Variants in DPY19L2 observed in about 807,000 individuals in gnomAD.
DPY19L2 encodes the protein probable C-mannosyltransferase DPY19L2.
DPY19L2 carries 34 observed loss-of-function variants against 97.9 expected under a neutral mutation model. That is an observed-to-expected ratio of 0.35 (90% CI 0.26 to 0.46). The LOEUF (loss-of-function observed/expected upper bound fraction) is 0.46, where lower values mean the gene tolerates loss of function less well. Ranked by LOEUF, DPY19L2 falls within the 20% of genes least tolerant of loss-of-function variation. The pLI is 1.00. For missense variants in DPY19L2, 623 were observed against 911.4 expected (o/e 0.68, Z 4.07); for synonymous variants, 230 against 307.9 (o/e 0.75, Z 2.65).
At chr12:63,586,635 G>A (rs2137406258) in intron 16 of DPY19L2, among the ~76,000 whole-genome samples, 1 of 152,176 alleles carries the variant, frequency 6.6e-6, no homozygotes, top group South Asian at 2.1e-4. Context: ...CAAATAATGG[G>A]AATAACTGAC....
At chr12:63,563,011 G>T (rs1205602060) in intron 21 of DPY19L2, among the ~76,000 whole-genome samples, 1 of 152,070 alleles carries the variant, frequency 6.6e-6, no homozygotes, top group Admixed American at 6.5e-5. Context: ...TGGCCAGGCT[G>T]ATCTCGAACT....
chr12:63,596,143 A>C, intron 14 of DPY19L2, 106 bp from the exon 15 acceptor site: 1 of 887,146 alleles, frequency 1.1e-6, no homozygotes, highest in Non-Finnish European at 1.6e-6. Flanking sequence ...TAAAAGTAAA[A>C]GGTTAAATTT....
intron 6 of DPY19L2, among the ~76,000 whole-genome samples, chr12:63,630,122 G>C (rs1890324286): frequency 6.6e-6 from 1 of 152,128 alleles, no homozygotes; most frequent in Admixed American, 6.6e-5. Context: ...ATGCCAAATT[G>C]TAAAGACCAT....
chr12:63,660,664 T>C (rs1182243793), intron 4 of DPY19L2, among the ~76,000 whole-genome samples: 1 of 152,024 alleles, frequency 6.6e-6, no homozygotes, highest in Non-Finnish European at 1.5e-5. Flanking sequence ...CATTTCAAAA[T>C]CTAAAGAATA....
intron 6 of DPY19L2, among the ~76,000 whole-genome samples, chr12:63,639,845 T>C (rs1300950964): frequency 6.6e-6 from 1 of 152,182 alleles, no homozygotes; most frequent in Non-Finnish European, 1.5e-5. Flanking sequence ...GCCATCCCAT[T>C]ACTGGGTATA....
At chr12:63,578,863 G>C (rs1302098690) in intron 19 of DPY19L2, among the ~76,000 whole-genome samples, 6 of 152,112 alleles carry the variant, frequency 3.9e-5, no homozygotes, top group Admixed American at 6.5e-5. Flanking sequence ...TCATGCTATG[G>C]GGAGGAGGGA....
chr12:63,572,922 T>G (rs1290419772), intron 19 of DPY19L2, among the ~76,000 whole-genome samples: 3 of 152,046 alleles, frequency 2.0e-5, no homozygotes, highest in Admixed American at 6.6e-5. Flanking sequence ...GACCAGAAAC[T>G]TAGATCACAA....
chr12:63,650,728 A>G lies in DPY19L2; in HGVS notation c.589-3363T>C, dbSNP rs562877297. On this transcript the variant is annotated intron_variant, in intron 4 of 21. Transcript: ENST00000324472. ...ATGGAAAAACATTCTATGCTCATGAATAGGAAGATTCAATATTGTTAAAAT... is the reference window on the plus strand; with the variant it reads ...ATGGAAAAACATTCTATGCTCATGAGTAGGAAGATTCAATATTGTTAAAAT... Among the ~76,000 whole-genome samples, 5 of 152,306 alleles carry G rather than the reference A, an allele frequency of 3.3e-5. No individual in the cohort carries two copies. The South Asian group carries it at 8.3e-4, about 25-fold the overall frequency.
chr12:63,641,851 A>G (rs1892746696), intron 6 of DPY19L2, among the ~76,000 whole-genome samples: 1 of 152,146 alleles, frequency 6.6e-6, no homozygotes, highest in Admixed American at 6.5e-5. Flanking sequence ...CAAGGTATCT[A>G]TATCTTGAAT....
chr12:63,583,003 G>A (rs1049116835), intron 17 of DPY19L2, among the ~76,000 whole-genome samples: 9 of 152,060 alleles, frequency 5.9e-5, no homozygotes, highest in African/African-American at 1.9e-4. Context: ...TGAAACTTTT[G>A]AGTACCAATA....
chr12:63,586,309 A>G (rs529146747), intron 16 of DPY19L2, among the ~76,000 whole-genome samples: 1 of 152,352 alleles, frequency 6.6e-6, no homozygotes, highest in East Asian at 1.9e-4. Flanking sequence ...CCCAGAAAGC[A>G]TGCCAATTCT....
chr12:63,636,283 A>T (rs1006930670), intron 6 of DPY19L2, among the ~76,000 whole-genome samples: 8 of 152,216 alleles, frequency 5.3e-5, no homozygotes, highest in African/African-American at 1.4e-4. Context: ...GGAAGCACTA[A>T]ATATGGAAAG....
chr12:63,627,059 G>A (rs1471185135), intron 6 of DPY19L2, among the ~76,000 whole-genome samples: 2 of 152,150 alleles, frequency 1.3e-5, no homozygotes, highest in Non-Finnish European at 2.9e-5. Context: ...TTACAGGCGT[G>A]AGCCACTGTG....
intron 21 of DPY19L2, among the ~76,000 whole-genome samples, chr12:63,567,151 T>C (rs1877884800): frequency 6.6e-6 from 1 of 152,168 alleles, no homozygotes; most frequent in Non-Finnish European, 1.5e-5. Context: ...CTCCTTATCT[T>C]CTTCTCCTCC....
intron 19 of DPY19L2, among the ~76,000 whole-genome samples, chr12:63,575,283 C>T (rs773594697): frequency 9.9e-5 from 15 of 151,684 alleles, no homozygotes; most frequent in Non-Finnish European, 1.9e-4. Context: ...ATAATGAAAA[C>T]ACAACACATC....
intron 11 of DPY19L2, among the ~76,000 whole-genome samples, chr12:63,609,643 G>A (rs1886626277): frequency 6.6e-6 from 1 of 152,028 alleles, no homozygotes; most frequent in Admixed American, 6.6e-5. Context: ...ATAAATTCCT[G>A]TTGTTTAAGC....
At chr12:63,614,459 C>T (rs1285955370) in intron 11 of DPY19L2, among the ~76,000 whole-genome samples, 1 of 152,012 alleles carries the variant, frequency 6.6e-6, no homozygotes, top group Non-Finnish European at 1.5e-5. Flanking sequence ...GTATGCAATA[C>T]TCTGTTCTGA....
chr12:63,594,166 T>C, intron 15 of DPY19L2, 33 bp from the exon 16 acceptor site: 1 of 1,405,844 alleles, frequency 7.1e-7, no homozygotes, highest in Non-Finnish European at 9.8e-7. Flanking sequence ...GAAACTTTTG[T>C]AAGGAATACT....
chr12:63,568,003 C>T (rs547411970), intron 21 of DPY19L2, among the ~76,000 whole-genome samples: 7 of 152,010 alleles, frequency 4.6e-5, no homozygotes, highest in South Asian at 4.2e-4. Flanking sequence ...TTGAGCTTAG[C>T]GGATCTCTAA....
Sources: allele counts gnomAD v4.1 joint callset (sites outside exome capture counted in the v4.1 genomes callset), GRCh38; gene constraint gnomAD v4.1.1; transcripts MANE v1.5; gene names NCBI Gene and HGNC (gene_info 2026-07-23, HGNC 2026-07-21).